The following SCAF11 variants were observed in gnomAD, a reference collection of about 807,000 sequenced individuals.
The protein encoded by SCAF11 is SR-related CTD associated factor 11.
A neutral mutation model predicts 140.5 loss-of-function variants in SCAF11; 47 were observed. The observed-to-expected ratio is 0.33, with a 90% confidence interval of 0.26 to 0.43. The LOEUF (loss-of-function observed/expected upper bound fraction) is 0.43. Among genes scored for constraint, SCAF11 ranks in the 20% least tolerant of loss-of-function variants. The probability of loss-of-function intolerance (pLI) is 1.00; values close to 1 mark genes in which losing one functional copy is unlikely to be tolerated. For missense variants in SCAF11, 1,645 were observed against 1,705.1 expected, an observed-to-expected ratio of 0.96 and a Z score of 0.62; for synonymous variants, 557 against 579.4, an observed-to-expected ratio of 0.96 and a Z score of 0.55.
chr12:45,983,784 C>CACACAA (rs59166912), intron 1 of SCAF11, among the ~76,000 whole-genome samples: 2 of 149,488 alleles, frequency 1.3e-5, no homozygotes, highest in East Asian at 2.0e-4. Flanking sequence ...CACACACACA[C>CACACAA]AAAGACTGAA....
chr12:45,937,191 T>C (rs1945191363), intron 6 of SCAF11, among the ~76,000 whole-genome samples: 1 of 152,214 alleles, frequency 6.6e-6, no homozygotes, highest in Non-Finnish European at 1.5e-5. Context: ...TTATTCGATA[T>C]TGAATCTCTT....
intron 10 of SCAF11, among the ~76,000 whole-genome samples, chr12:45,930,475 A>G (rs1945017234): frequency 7.4e-6 from 1 of 134,514 alleles, no homozygotes; most frequent in African/African-American, 3.0e-5. Flanking sequence ...TTTTTTTGAG[A>G]CAGGCTGTTG....
At chr12:45,961,386 T>G in intron 3 of SCAF11, 1 of 708,154 alleles carries the variant, frequency 1.4e-6, no homozygotes, top group South Asian at 1.5e-5. Context: ...TATTATCCTA[T>G]TAAGCACAGA....
intron 1 of SCAF11, chr12:45,974,123 T>C (rs1365661706): frequency 2.1e-6 from 1 of 466,692 alleles, no homozygotes; most frequent in East Asian, 6.9e-5. Flanking sequence ...GTTTATATTA[T>C]ACTGTAGTCC....
chr12:45,988,468 T>C (rs1481478582), intron 1 of SCAF11, among the ~76,000 whole-genome samples: 1 of 152,096 alleles, frequency 6.6e-6, no homozygotes, highest in East Asian at 1.9e-4. Context: ...AAAGCACAGG[T>C]TTTCCAGAAA....
rs145082757 is a variant in SCAF11 at position 45,924,179 on chromosome 12, T to A, written c.3906+549A>T. 7.2e-3 allele frequency among the ~76,000 whole-genome samples: 1,096 copies of A among 152,326 alleles called. 10 individuals carry two copies. Among genetic ancestry groups the A allele is most frequent in the African/African-American group, 0.025 (1,037 of 41,578 alleles). Reference sequence around the variant, plus strand: ...TTTTTAAAAGGCAGTCATAAAATTATAAGCAACAAATTGTTTGCAAATTAT... The same window carrying A: ...TTTTTAAAAGGCAGTCATAAAATTAAAAGCAACAAATTGTTTGCAAATTAT... On this transcript the variant is annotated intron_variant, in intron 12 of 14. Coordinates refer to ENST00000369367, the MANE Select transcript of SCAF11 (RefSeq NM_004719.3).
rs1374951802 is a variant in SCAF11 at position 45,943,753 on chromosome 12, T to C, written c.463+1496A>G. Among the ~76,000 whole-genome samples, 16 of 152,288 alleles carry C rather than the reference T, an allele frequency of 1.1e-4. No individual in the cohort carries two copies. In the East Asian group the frequency reaches 3.1e-3, roughly 29 times the overall value. The stretch of plus-strand genomic sequence containing the variant: ...TTACCCACTCAAAGTATAATGAGTA[T>C]TTCTGCCTATCCTAAACCAAACAAA... On this transcript the variant is annotated intron_variant, in intron 6 of 14. Coordinates refer to ENST00000369367, the MANE Select transcript of SCAF11 (RefSeq NM_004719.3).
chr12:45,977,038 A>G (rs1946250587), intron 1 of SCAF11, among the ~76,000 whole-genome samples: 1 of 152,116 alleles, frequency 6.6e-6, no homozygotes, highest in South Asian at 2.1e-4. Flanking sequence ...CGAGGCCCAC[A>G]TAATTTCCCT....
At chr12:45,929,096 G>GAC in intron 10 of SCAF11, 1 of 258,540 alleles carries the variant, frequency 3.9e-6, no homozygotes, top group African/African-American at 2.7e-5. Flanking sequence ...CAATTTTATA[G>GAC]AGAAAAAAAA....
chr12:45,937,158 C>T (rs1342611342), intron 6 of SCAF11, among the ~76,000 whole-genome samples: 1 of 151,910 alleles, frequency 6.6e-6, no homozygotes, highest in African/African-American at 2.4e-5. Context: ...TAAATTTTTG[C>T]ATTTTTCCTT....
At chr12:45,958,798 T>C (rs1945759390) in intron 3 of SCAF11, among the ~76,000 whole-genome samples, 1 of 152,226 alleles carries the variant, frequency 6.6e-6, no homozygotes, top group Non-Finnish European at 1.5e-5. Context: ...TTTTACTTAA[T>C]CACTTTAAAG....
chr12:45,945,701 T>A (rs1393483496), intron 5 of SCAF11, among the ~76,000 whole-genome samples: 1 of 152,048 alleles, frequency 6.6e-6, no homozygotes, highest in East Asian at 1.9e-4. Context: ...CTTGTCAGGT[T>A]AATTTTTTCT....
intron 14 of SCAF11, 27 bp from the exon 15 acceptor site, chr12:45,922,221 C>T: frequency 6.3e-7 from 1 of 1,581,762 alleles, no homozygotes; most frequent in East Asian, 2.2e-5. Flanking sequence ...GGGGGGTAAA[C>T]TTTTTTCATG....
chr12:45,987,873 T>C lies in SCAF11; in HGVS notation c.-22+2480A>G, dbSNP rs150804610. ...AGGTCACAGTGACTTTTTAGGAAGA[T>C]ATTTTTGAAAGCAAAATAGTGGTTG... On this transcript the variant is annotated intron_variant, in intron 1 of 14. Coordinates refer to ENST00000369367, the MANE Select transcript of SCAF11 (RefSeq NM_004719.3). Among the ~76,000 whole-genome samples, 413 of 152,334 alleles carry C rather than the reference T, an allele frequency of 2.7e-3. 3 individuals are homozygous for C. Among genetic ancestry groups the C allele is most frequent in the African/African-American group, 9.0e-3 (376 of 41,576 alleles).
In SCAF11 at chr12:45,922,126, G is replaced by C; in HGVS notation, c.4314C>G (p.Asp1438Glu). 6.2e-7 allele frequency: 1 copy of C among 1,613,288 alleles called. No homozygotes were observed. The highest frequency in any genetic ancestry group is 2.2e-5 in the East Asian group (1 of 44,798). ...TCCCCTTCCGTGAATATTTGTATTT[G>C]TCTACATAGGCTTTAACCAGATTTG... ...KVANLVKAYV[D>E]KYKYSRKGSQ... The change falls in exon 15 of 15, where the codon GAC becomes GAG. Residue 1438 changes from aspartate to glutamate, a missense_variant. Physicochemically the swap from Asp to Glu is conservative, Grantham distance 45. Around this residue, in one of 2 missense-constraint regions of SCAF11, gnomAD observed 63 missense variants for 95.9 expected, o/e 0.66. Transcript: ENST00000369367.
At chr12:45,938,413 T>C (rs1359681190) in intron 6 of SCAF11, among the ~76,000 whole-genome samples, 1 of 152,066 alleles carries the variant, frequency 6.6e-6, no homozygotes, top group African/African-American at 2.4e-5. Context: ...CACTTGAACC[T>C]GGGAGGCGGA....
At chr12:45,951,393 A>G (rs563651747) in intron 4 of SCAF11, among the ~76,000 whole-genome samples, 1 of 152,302 alleles carries the variant, frequency 6.6e-6, no homozygotes, top group South Asian at 2.1e-4. Context: ...CCTTCAGATT[A>G]TCAGAGATCT....
chr12:45,954,028 G>A (rs1016195631), intron 3 of SCAF11, among the ~76,000 whole-genome samples: 1 of 152,136 alleles, frequency 6.6e-6, no homozygotes, highest in Admixed American at 6.5e-5. Flanking sequence ...AGTTTATGAC[G>A]TAGATGGAAA....
At chr12:45,970,550 A>T (rs1946049415) in intron 1 of SCAF11, among the ~76,000 whole-genome samples, 1 of 152,252 alleles carries the variant, frequency 6.6e-6, no homozygotes, top group Non-Finnish European at 1.5e-5. Context: ...TGTTGGGCAC[A>T]CTTATGCCAA....
Sources: allele counts gnomAD v4.1 joint callset (sites outside exome capture counted in the v4.1 genomes callset), GRCh38; gene constraint gnomAD v4.1.1; regional missense constraint gnomAD v4.1.1; transcripts MANE v1.5; gene names NCBI Gene and HGNC (gene_info 2026-07-23, HGNC 2026-07-21).